VIPR2: variants seen among roughly 807,000 people sequenced by gnomAD.
The protein encoded by VIPR2 is vasoactive intestinal peptide receptor 2.
A neutral mutation model predicts 58.0 loss-of-function variants in VIPR2; 48 were observed. The ratio of observed to expected loss-of-function variants is 0.83; its 90% CI spans 0.66 to 1.05. The LOEUF (loss-of-function observed/expected upper bound fraction) is 1.05. Ranked by LOEUF, VIPR2 falls within the 50% of genes least tolerant of loss-of-function variation. VIPR2 has a pLI of 0.00. For synonymous variants in VIPR2, 243 were observed against 235.2 expected (o/e 1.03, Z -0.30); for missense variants, 534 against 558.0 (o/e 0.96, Z 0.43).
chr7:159,035,867 G>T, intron 8 of VIPR2, 85 bp downstream of exon 8: 1 of 1,544,570 alleles, frequency 6.5e-7, no homozygotes, highest in South Asian at 1.2e-5. Flanking sequence ...CTTCCAACCA[G>T]GTAACCTTCT....
chr7:159,041,118 C>T (rs907405123), intron 6 of VIPR2, among the ~76,000 whole-genome samples: 5 of 152,218 alleles, frequency 3.3e-5, no homozygotes, highest in Admixed American at 1.3e-4. Context: ...CCAGTTTCCT[C>T]GTCTGTGAAA....
At chr7:159,132,278 C>A (rs1796946300) in intron 2 of VIPR2, among the ~76,000 whole-genome samples, 1 of 142,634 alleles carries the variant, frequency 7.0e-6, no homozygotes, top group Non-Finnish European at 1.5e-5. Flanking sequence ...TGTCTTGCTG[C>A]ATTTGGTGGC....
chr7:159,108,081 G>A (rs910003121), intron 3 of VIPR2, among the ~76,000 whole-genome samples: 3 of 152,212 alleles, frequency 2.0e-5, no homozygotes, highest in Non-Finnish European at 4.4e-5. Flanking sequence ...GTCATGGGAG[G>A]AGCAGCCATC....
chr7:159,067,863 C>A (rs1371746940), intron 4 of VIPR2, among the ~76,000 whole-genome samples: 29 of 152,234 alleles, frequency 1.9e-4, no homozygotes, highest in Admixed American at 1.9e-3. Context: ...CTTGGGCTTG[C>A]CTAAAGGAAG....
At chr7:159,066,367 C>T (rs982850224) in intron 4 of VIPR2, among the ~76,000 whole-genome samples, 7 of 151,788 alleles carry the variant, frequency 4.6e-5, no homozygotes, top group Non-Finnish European at 8.8e-5. Context: ...CCTGTTCCCA[C>T]ACCATCCGTG....
intron 2 of VIPR2, among the ~76,000 whole-genome samples, chr7:159,112,962 GT>G: frequency 6.6e-6 from 1 of 152,230 alleles, no homozygotes; most frequent in Non-Finnish European, 1.5e-5. Context: ...CCCCGACTGT[GT>G]GAGCAGGAGG....
intron 6 of VIPR2, among the ~76,000 whole-genome samples, chr7:159,042,448 A>G (rs1408866303): frequency 6.6e-6 from 1 of 152,152 alleles, no homozygotes; most frequent in Non-Finnish European, 1.5e-5. Context: ...TACTACAAAT[A>G]CAGCTGAGGG....
At position 159,109,829 on chromosome 7, in the gene VIPR2, T is replaced by C; in HGVS notation, c.242A>G (p.Asn81Ser). 3.7e-6 allele frequency: 6 copies of C among 1,614,152 alleles called. No homozygotes were observed. Among genetic ancestry groups the C allele is most frequent in the Non-Finnish European group, 5.1e-6 (6 of 1,180,038 alleles). Reference sequence around the variant, plus strand: ...GACAGTACCTGCTTTGCTGTAAAAATTGCTGAAGACTTTTGGGCAGGGCAC... The same window carrying C: ...GACAGTACCTGCTTTGCTGTAAAAACTGCTGAAGACTTTTGGGCAGGGCAC... ...VTVPCPKVFSNFYSKAGNISK... is the reference protein window; with the variant it reads ...VTVPCPKVFSSFYSKAGNISK... The change falls in exon 3 of 13, where the codon AAT becomes AGT. Residue 81 changes from asparagine to serine, a missense_variant. Asn to Ser is a conservative substitution (Grantham distance 46). Coordinates refer to ENST00000262178, the MANE Select transcript of VIPR2 (RefSeq NM_003382.5).
Position 159,029,781 on chromosome 7 carries a change from G to C in VIPR2, c.*835C>G, listed in dbSNP as rs942559791. ...GTTGTCTCCTCAGCCCGCCTTCCGT[G>C]GGGAGGCAAAACAGCCCTGTGGAGT... On this transcript the variant is annotated 3_prime_UTR_variant, in exon 13 of 13. Coordinates refer to ENST00000262178, the MANE Select transcript of VIPR2 (RefSeq NM_003382.5). The C allele has an allele frequency of 2.6e-5, 4 of 152,388 alleles. No individual in the cohort carries two copies. Among genetic ancestry groups the C allele is most frequent in the Non-Finnish European group, 4.4e-5 (3 of 68,194 alleles). 9.4% of individuals were successfully genotyped at this position (152,388 alleles called of 1,614,324 possible).
chr7:159,038,295 G>A (rs1040841027), intron 6 of VIPR2, among the ~76,000 whole-genome samples: 3 of 152,100 alleles, frequency 2.0e-5, no homozygotes, highest in Non-Finnish European at 4.4e-5. Context: ...TTTTTCCCAA[G>A]CATAGCAGGG....
Position 159,031,432 on chromosome 7 carries a change from G to C in VIPR2, c.1143+396C>G, listed in dbSNP as rs1264688633. The C allele has an allele frequency of 9.1e-6, 9 of 984,992 alleles. No individual in the cohort carries two copies. Among genetic ancestry groups the C allele is most frequent in the Non-Finnish European group, 1.1e-5 (9 of 829,642 alleles). 61.0% of individuals were successfully genotyped at this position (984,992 alleles called of 1,614,324 possible). A position where few individuals can be genotyped will look rare whatever the true frequency, so the allele number is the denominator to read the frequency against. On this transcript the variant is annotated intron_variant, in intron 12 of 12. Coordinates refer to ENST00000262178, the MANE Select transcript of VIPR2 (RefSeq NM_003382.5). The surrounding 1 kb of genome is among the most constrained non-coding windows in gnomAD (Gnocchi z 4.0). ...AGCTCGGCTCCGGGCTTCCTCCCCA[G>C]GGACTCACAGGACGCTGTGCAGCCC...
rs987807958 is a variant in VIPR2 at position 159,144,792 on chromosome 7, G to T, written c.-21C>A. The T allele has an allele frequency of 1.3e-5, 16 of 1,243,988 alleles. No homozygotes were observed. In the African/African-American group the frequency reaches 2.5e-4, roughly 19 times the overall value. 77.1% of individuals were successfully genotyped at this position (1,243,988 alleles called of 1,614,324 possible). ...CGCATCCCGAGCTCAGCGTGCCGGG[G>T]GCCGCCCAGCGCCCGCCGCCTCCGT... On this transcript the variant is annotated 5_prime_UTR_variant, in exon 1 of 13. Coordinates refer to ENST00000262178, the MANE Select transcript of VIPR2 (RefSeq NM_003382.5).
At chr7:159,086,319 T>C (rs1013890752) in intron 4 of VIPR2, among the ~76,000 whole-genome samples, 1 of 152,200 alleles carries the variant, frequency 6.6e-6, no homozygotes. Flanking sequence ...GTTTTGCCCA[T>C]GGAGTCCTAT....
At chr7:159,102,818 A>G (rs1326274829) in intron 4 of VIPR2, among the ~76,000 whole-genome samples, 1 of 151,970 alleles carries the variant, frequency 6.6e-6, no homozygotes, top group Non-Finnish European at 1.5e-5. Context: ...GCATGTGGGG[A>G]GCGCGATACT....
Position 159,087,761 on chromosome 7 carries a change from G to A in VIPR2, c.357+15996C>T, listed in dbSNP as rs559677013. Among the ~76,000 whole-genome samples, 25 of 106,998 alleles carry A rather than the reference G, an allele frequency of 2.3e-4. No homozygotes were observed. In the South Asian group the frequency reaches 6.4e-3, roughly 28 times the overall value. 70.2% of individuals were successfully genotyped at this position (106,998 alleles called of 152,430 possible). On this transcript the variant is annotated intron_variant, in intron 4 of 12. Coordinates refer to ENST00000262178, the MANE Select transcript of VIPR2 (RefSeq NM_003382.5). ...TGCCAGGACTCTGATAGTGAGATAC[G>A]GCTTCCCCAACAAACAATACCCAGG...
In VIPR2 at chr7:159,061,604, G is replaced by A. The variant is rs149429207; in HGVS notation, c.358-3026C>T. On this transcript the variant is annotated intron_variant, in intron 4 of 12. Transcript: ENST00000262178. The stretch of plus-strand genomic sequence containing the variant: ...GGAAGGTGGAGGCTGCCTAAGCTGT[G>A]ATCACACCACTGCTCTCCAGCCTGG... Among the ~76,000 whole-genome samples, 635 of 151,796 alleles carry A rather than the reference G, an allele frequency of 4.2e-3. 4 individuals carry two copies. The highest frequency in any genetic ancestry group is 0.014 in the African/African-American group (596 of 41,386).
At chr7:159,058,130 A>G (rs565110564) in intron 5 of VIPR2, among the ~76,000 whole-genome samples, 1 of 152,364 alleles carries the variant, frequency 6.6e-6, no homozygotes, top group East Asian at 1.9e-4. Flanking sequence ...AACACGTCGT[A>G]GCATCTCTCT....
At chr7:159,059,446 C>A in intron 4 of VIPR2, 1 of 411,606 alleles carries the variant, frequency 2.4e-6, no homozygotes, top group Middle Eastern at 4.0e-4. Context: ...TAAGTACAAC[C>A]AAACCTCACT....
At chr7:159,078,572 C>T in intron 4 of VIPR2, among the ~76,000 whole-genome samples, 1 of 152,192 alleles carries the variant, frequency 6.6e-6, no homozygotes, top group East Asian at 1.9e-4. Context: ...GGAAAAGATG[C>T]CAACGAAAGT....
Sources: allele counts gnomAD v4.1 joint callset (sites outside exome capture counted in the v4.1 genomes callset), GRCh38; gene constraint gnomAD v4.1.1; non-coding constraint Gnocchi (gnomAD v3.1); transcripts MANE v1.5; gene names NCBI Gene and HGNC (gene_info 2026-07-23, HGNC 2026-07-21).